SCUBE1: variants seen among roughly 807,000 people sequenced by gnomAD.
SCUBE1 encodes signal peptide, CUB and EGF-like domain-containing protein 1.
Under a neutral mutation model 124.4 loss-of-function variants are expected in SCUBE1, and 59 were observed. That is an observed-to-expected ratio of 0.47 (90% CI 0.38 to 0.59). The LOEUF (loss-of-function observed/expected upper bound fraction) is 0.59. Ranked by LOEUF, SCUBE1 falls within the 20% of genes least tolerant of loss-of-function variation. The pLI is 0.00. For missense variants in SCUBE1, 1,150 were observed against 1,371.2 expected (o/e 0.84, Z 2.55); for synonymous variants, 545 against 550.9 (o/e 0.99, Z 0.15).
Position 43,314,968 on chromosome 22 carries a change from C to T in SCUBE1, c.349+4969G>A, listed in dbSNP as rs540402142. Among the ~76,000 whole-genome samples the T allele has an allele frequency of 7.0e-4, 107 of 152,244 alleles. 1 individual carries two copies. The highest frequency in any genetic ancestry group is 1.3e-4 in the Admixed American group (2 of 15,290). The stretch of plus-strand genomic sequence containing the variant: ...GGACTCCTGTCCCAAGTCCCGCAAA[C>T]GTCAGGGGCTGGGTAACTGTGGCTG... On this transcript the variant is annotated intron_variant, in intron 3 of 21. Transcript: ENST00000360835.
chr22:43,210,893 G>C lies in SCUBE1; in HGVS notation c.2383+29C>G, dbSNP rs780834296. 4 of 1,609,408 alleles carry C rather than the reference G, an allele frequency of 2.5e-6. No homozygotes were observed. In the South Asian group the frequency reaches 4.4e-5, roughly 18 times the overall value. On this transcript the variant is annotated intron_variant, in intron 18 of 21. Coordinates refer to ENST00000360835, the MANE Select transcript of SCUBE1 (RefSeq NM_173050.5). This position sits in a 1 kb window ranked among gnomAD's most constrained non-coding sequence, Gnocchi z 4.5. ...CTGCCCAGCCCCTCCCGTGTTCCCA[G>C]CTTCCCACGGCAGAGCAGCAGCACC...
At chr22:43,332,499 T>G (rs538756154) in intron 2 of SCUBE1, among the ~76,000 whole-genome samples, 2 of 152,160 alleles carry the variant, frequency 1.3e-5, no homozygotes, top group East Asian at 3.9e-4. Context: ...TGCAGGAGCC[T>G]CCCCTAATGC....
chr22:43,342,225 C>A (rs116752687), intron 1 of SCUBE1, among the ~76,000 whole-genome samples: 11,022 of 94,940 alleles, frequency 0.12, 755 homozygotes, highest in African/African-American at 0.36. Flanking sequence ...TTCGGGAAGC[C>A]CCTGAAGACA....
chr22:43,269,719 G>T (rs1052683426), intron 4 of SCUBE1, among the ~76,000 whole-genome samples: 1 of 152,148 alleles, frequency 6.6e-6, no homozygotes, highest in African/African-American at 2.4e-5. Context: ...GGAGCCTTGG[G>T]GGTGGCAGGG....
chr22:43,279,276 G>A (rs960183905), intron 4 of SCUBE1, among the ~76,000 whole-genome samples: 34 of 152,224 alleles, frequency 2.2e-4, no homozygotes. Flanking sequence ...CTTGGAACAG[G>A]GGGCTCAGGC....
intron 6 of SCUBE1, among the ~76,000 whole-genome samples, chr22:43,247,485 C>A (rs1215467820): frequency 6.6e-6 from 1 of 152,220 alleles, no homozygotes; most frequent in African/African-American, 2.4e-5. Context: ...GTCCTTACAG[C>A]AATGACACAG....
chr22:43,218,948 C>T (rs1921960840), intron 14 of SCUBE1, among the ~76,000 whole-genome samples: 1 of 152,242 alleles, frequency 6.6e-6, no homozygotes, highest in Admixed American at 6.5e-5. Context: ...ACCTCCTCCT[C>T]TCTCTGACCT....
chr22:43,210,279 C>T lies in SCUBE1; in HGVS notation c.2384-39G>A, dbSNP rs920933842. 13 of 1,475,480 alleles carry T rather than the reference C, an allele frequency of 8.8e-6. No homozygotes were observed. Among genetic ancestry groups the T allele is most frequent in the African/African-American group, 5.7e-5 (4 of 70,148 alleles). 91.4% of individuals were successfully genotyped at this position (1,475,480 alleles called of 1,614,324 possible). A position where few individuals can be genotyped will look rare whatever the true frequency, so the allele number is the denominator to read the frequency against. On this transcript the variant is annotated intron_variant, in intron 18 of 21. Transcript: ENST00000360835. The surrounding 1 kb of genome is among the most constrained non-coding windows in gnomAD (Gnocchi z 4.5). Reference sequence around the variant, plus strand: ...GGCCCGAGGGCCTCATCAGGCTCTGCTGGGCAGGGGCCCTGGCCGGCCAGG... The same window carrying T: ...GGCCCGAGGGCCTCATCAGGCTCTGTTGGGCAGGGGCCCTGGCCGGCCAGG...
In SCUBE1 at chr22:43,339,234, C is replaced by T. The variant is rs1927186348; in HGVS notation, c.90G>A (p.Gly30=). The change falls in exon 2 of 22, where the codon GGG becomes GGA. Residue 30 remains glycine, a splice_region_variant and synonymous_variant. Coordinates refer to ENST00000360835, the MANE Select transcript of SCUBE1 (RefSeq NM_173050.5). ...GRLAGGSGLP[G]SVDVDECSEG... is the part of the protein sequence containing the mutation. The stretch of plus-strand genomic sequence containing the variant: ...CTGAGCACTCATCCACGTCGACTGA[C>T]CCTGTGGGTAGGGGTGTGGGGGGAA... 1.9e-6 allele frequency: 3 copies of T among 1,613,148 alleles called. No individual in the cohort carries two copies. The highest frequency in any genetic ancestry group is 2.5e-6 in the Non-Finnish European group (3 of 1,179,514).
At chr22:43,291,207 C>T (rs139411669) in intron 3 of SCUBE1, 27 bp from the exon 4 acceptor site, 1 of 1,596,468 alleles carries the variant, frequency 6.3e-7, no homozygotes, top group Non-Finnish European at 8.6e-7. Context: ...AGAAGGGGAC[C>T]AGAGATCACA....
intron 2 of SCUBE1, among the ~76,000 whole-genome samples, chr22:43,330,764 A>C (rs1042727803): frequency 6.6e-6 from 1 of 152,258 alleles, no homozygotes; most frequent in African/African-American, 2.4e-5. Flanking sequence ...TAAACTCTGC[A>C]GCAGAGCTGG....
At chr22:43,218,675 A>C (rs897338906) in intron 14 of SCUBE1, among the ~76,000 whole-genome samples, 1 of 152,208 alleles carries the variant, frequency 6.6e-6, no homozygotes, top group Non-Finnish European at 1.5e-5. Flanking sequence ...GCCACGCAGC[A>C]GATCTGAGTG....
At position 43,229,114 on chromosome 22, in the gene SCUBE1, A is replaced by C; in HGVS notation, c.1042T>G (p.Cys348Gly). The C allele has an allele frequency of 6.2e-7, 1 of 1,613,934 alleles. No individual in the cohort carries two copies. Among genetic ancestry groups the C allele is most frequent in the Non-Finnish European group, 8.5e-7 (1 of 1,180,008 alleles). The change falls in exon 9 of 22, where the codon TGT (cysteine) becomes GGT (glycine). Residue 348 changes from cysteine to glycine, a missense_variant. By Grantham distance (159) the Cys-to-Gly change is radical. Coordinates refer to ENST00000360835, the MANE Select transcript of SCUBE1 (RefSeq NM_173050.5). ...CCGTAGAGGATGTAGCCGCGGTGAC[A>C]CAGGCACTGGAAGCTGCCCGGGGAG... ...INSPGSFQCL[C>G]HRGYILYGTT...
intron 21 of SCUBE1, among the ~76,000 whole-genome samples, chr22:43,205,366 T>C (rs1601790197): frequency 1.3e-5 from 2 of 152,056 alleles, no homozygotes; most frequent in African/African-American, 4.8e-5. Context: ...GCTGCCACCC[T>C]GGGCAGAAAC....
intron 4 of SCUBE1, among the ~76,000 whole-genome samples, chr22:43,277,074 C>T (rs1924553272): frequency 6.6e-6 from 1 of 151,070 alleles, no homozygotes; most frequent in Non-Finnish European, 1.5e-5. Context: ...AGGGTGGAGG[C>T]CGAATGAGAC....
chr22:43,326,665 A>T (rs1372153710), intron 2 of SCUBE1, among the ~76,000 whole-genome samples: 2 of 151,938 alleles, frequency 1.3e-5, no homozygotes, highest in African/African-American at 2.4e-5. Context: ...TTCATTCCTA[A>T]CTGCACACAA....
In SCUBE1 at chr22:43,201,860, G is replaced by A. The variant is rs891902163; in HGVS notation, c.*2137C>T. Reference sequence around the variant, plus strand: ...CCTCCCGGCACCTTCCTCAGGAGCTGTTGCTGCAGGCTCACTCGGCAGGAT... The same window carrying A: ...CCTCCCGGCACCTTCCTCAGGAGCTATTGCTGCAGGCTCACTCGGCAGGAT... On this transcript the variant is annotated 3_prime_UTR_variant, in exon 22 of 22. Transcript: ENST00000360835. 3.3e-5 allele frequency: 5 copies of A among 152,254 alleles called. No homozygotes were observed. The highest frequency in any genetic ancestry group is 1.2e-4 in the African/African-American group (5 of 41,462). The allele number at this position is 152,254 out of a possible 1,614,324, so 9.4% of individuals were successfully genotyped here.
intron 2 of SCUBE1, among the ~76,000 whole-genome samples, chr22:43,325,360 T>C (rs1926688082): frequency 6.7e-6 from 1 of 150,324 alleles, no homozygotes; most frequent in Non-Finnish European, 1.5e-5. Flanking sequence ...GGAAAATCGC[T>C]TGGACTCCGG....
At position 43,253,217 on chromosome 22, in the gene SCUBE1, G is replaced by A. The variant is rs192398619; in HGVS notation, c.727+5002C>T. Among the ~76,000 whole-genome samples the A allele has an allele frequency of 4.6e-5, 7 of 152,290 alleles. No homozygotes were observed. The East Asian group carries it at 1.4e-3, about 29-fold the overall frequency. ...ACACCTCATCAGGAGCTACTGGTTGGGGCCTGAAGTCCAACAGGATCCTAT... is the reference window on the plus strand; with the variant it reads ...ACACCTCATCAGGAGCTACTGGTTGAGGCCTGAAGTCCAACAGGATCCTAT... On this transcript the variant is annotated intron_variant, in intron 6 of 21. Coordinates refer to ENST00000360835, the MANE Select transcript of SCUBE1 (RefSeq NM_173050.5).
Sources: allele counts gnomAD v4.1 joint callset (sites outside exome capture counted in the v4.1 genomes callset), GRCh38; gene constraint gnomAD v4.1.1; non-coding constraint Gnocchi (gnomAD v3.1); transcripts MANE v1.5; gene names NCBI Gene and HGNC (gene_info 2026-07-23, HGNC 2026-07-21).